The following LPAR1 variants were observed in gnomAD, a reference collection of about 807,000 sequenced individuals.
LPAR1 encodes LPA receptor 1.
LPAR1 carries 5 observed loss-of-function variants against 23.8 expected under a neutral mutation model. The ratio of observed to expected loss-of-function variants is 0.21; its 90% confidence interval spans 0.11 to 0.44. LPAR1 has a LOEUF of 0.44. LPAR1 is among the 20% of genes least tolerant of loss of function. The probability of loss-of-function intolerance (pLI) is 0.99; values close to 1 mark genes in which losing one functional copy is unlikely to be tolerated. For synonymous variants in LPAR1, 160 were observed against 164.7 expected, an observed-to-expected ratio of 0.97 and a Z score of 0.22; for missense variants, 311 against 482.8, an observed-to-expected ratio of 0.64 and a Z score of 3.33.
rs1465908876 is a variant in LPAR1, at chr9:110,902,964, T to A, written c.794-27242A>T. Among the ~76,000 whole-genome samples the A allele has an allele frequency of 2.0e-5, 3 of 152,300 alleles. No homozygotes were observed. In the South Asian group the frequency reaches 6.2e-4, roughly 32 times the overall value. On this transcript the variant is annotated intron_variant, in intron 5 of 5. Transcript: ENST00000683809. ...AAGACCAAAATAGCACCACAAAGTC[T>A]CTGAAAATGCAATTGTCATTGGATG...
At chr9:110,908,036 T>A (rs2091673246) in intron 5 of LPAR1, among the ~76,000 whole-genome samples, 2 of 151,878 alleles carry the variant, frequency 1.3e-5, no homozygotes, top group Non-Finnish European at 2.9e-5. Context: ...AAGGCTCATA[T>A]CCATCCCAAA....
Position 110,941,383 on chromosome 9 carries a change from G to A in LPAR1, c.793+38C>T. 6.5e-7 allele frequency: 1 copy of A among 1,547,008 alleles called. No homozygotes were observed. Among genetic ancestry groups the A allele is most frequent in the Non-Finnish European group, 8.7e-7 (1 of 1,146,314 alleles). ...TAATGTGGTTTATGTTAGTCACTGA[G>A]AATCTATAAAGTAAGTTACAGTCAA... On this transcript the variant is annotated intron_variant, in intron 5 of 5. Coordinates refer to ENST00000683809, the MANE Select transcript of LPAR1 (RefSeq NM_001351411.2). This position sits in a 1 kb window ranked among gnomAD's most constrained non-coding sequence, Gnocchi z 6.1.
At chr9:110,963,623 C>T (rs1326663851) in intron 4 of LPAR1, among the ~76,000 whole-genome samples, 8 of 151,874 alleles carry the variant, frequency 5.3e-5, no homozygotes, top group African/African-American at 1.7e-4. Context: ...CAAACCTGCA[C>T]ATTGTGCACA....
intron 4 of LPAR1, among the ~76,000 whole-genome samples, chr9:110,966,996 C>T (rs1030294257): frequency 2.0e-5 from 3 of 152,146 alleles, no homozygotes; most frequent in Non-Finnish European, 4.4e-5. Context: ...TGGTTTCCTA[C>T]CCCATCCCCA....
At chr9:110,906,338 A>G (rs1476638018) in intron 5 of LPAR1, among the ~76,000 whole-genome samples, 1 of 152,138 alleles carries the variant, frequency 6.6e-6, no homozygotes, top group Admixed American at 6.6e-5. Flanking sequence ...CTACTTCTTA[A>G]TTTGTATAAT....
At chr9:111,011,557 G>A (rs1162564501) in intron 2 of LPAR1, among the ~76,000 whole-genome samples, 1 of 152,194 alleles carries the variant, frequency 6.6e-6, no homozygotes, top group East Asian at 1.9e-4. Context: ...CCTGGCCGAT[G>A]AAGATAGAGA....
At chr9:110,940,465 G>A (rs557529025) in intron 5 of LPAR1, among the ~76,000 whole-genome samples, 33 of 152,024 alleles carry the variant, frequency 2.2e-4, no homozygotes, top group Non-Finnish European at 3.1e-4. Context: ...GGAAAGAGGA[G>A]GTGATAAAAT....
At chr9:110,966,458 A>G (rs1467160370) in intron 4 of LPAR1, among the ~76,000 whole-genome samples, 5 of 151,250 alleles carry the variant, frequency 3.3e-5, no homozygotes, top group Non-Finnish European at 5.9e-5. Flanking sequence ...CAGCCTGGGC[A>G]ACAGAGTGAG....
At chr9:110,989,853 C>A (rs986983176) in intron 2 of LPAR1, among the ~76,000 whole-genome samples, 1 of 151,852 alleles carries the variant, frequency 6.6e-6, no homozygotes, top group Non-Finnish European at 1.5e-5. Context: ...CCTACATGAA[C>A]CATACTTTAA....
At chr9:110,915,575 A>G (rs1002247629) in intron 5 of LPAR1, among the ~76,000 whole-genome samples, 3 of 152,158 alleles carry the variant, frequency 2.0e-5, no homozygotes, top group Non-Finnish European at 2.9e-5. Context: ...ACAAAAAAGT[A>G]TCTGTAATTC....
chr9:110,971,306 T>A (rs1230345630), intron 4 of LPAR1, among the ~76,000 whole-genome samples: 5 of 152,122 alleles, frequency 3.3e-5, no homozygotes, highest in Admixed American at 6.5e-5. Flanking sequence ...ATAACCATCA[T>A]GTGAGGAATG....
At chr9:110,904,773 G>GT (rs2090634086) in intron 5 of LPAR1, among the ~76,000 whole-genome samples, 1 of 152,190 alleles carries the variant, frequency 6.6e-6, no homozygotes, top group Non-Finnish European at 1.5e-5. Context: ...ACCACACCCA[G>GT]TGATAATTCT....
At chr9:110,930,957 C>T (rs762057104) in intron 5 of LPAR1, among the ~76,000 whole-genome samples, 9 of 152,132 alleles carry the variant, frequency 5.9e-5, no homozygotes, top group Admixed American at 1.3e-4. Context: ...GTGCAAAATG[C>T]AGCCAGAAAG....
chr9:110,920,224 T>C (rs1468659077), intron 5 of LPAR1, among the ~76,000 whole-genome samples: 1 of 152,174 alleles, frequency 6.6e-6, no homozygotes, highest in Non-Finnish European at 1.5e-5. Context: ...GGTTTAGGCA[T>C]CTGAATATTT....
At chr9:110,935,663 G>C (rs554213408) in intron 5 of LPAR1, among the ~76,000 whole-genome samples, 7 of 152,296 alleles carry the variant, frequency 4.6e-5, no homozygotes, top group African/African-American at 1.7e-4. Context: ...GAGCCTTGGA[G>C]GAGGGTGACC....
At chr9:110,962,295 A>G (rs2096025559) in intron 4 of LPAR1, among the ~76,000 whole-genome samples, 1 of 152,102 alleles carries the variant, frequency 6.6e-6, no homozygotes, top group African/African-American at 2.4e-5. Flanking sequence ...TTGAGCTGGG[A>G]TGCTTCCTGG....
At chr9:111,021,467 T>G (rs1448357436) in intron 2 of LPAR1, among the ~76,000 whole-genome samples, 2 of 152,212 alleles carry the variant, frequency 1.3e-5, no homozygotes, top group Non-Finnish European at 2.9e-5. Flanking sequence ...CTTTAAAATC[T>G]TTTTAAAATA....
intron 5 of LPAR1, among the ~76,000 whole-genome samples, chr9:110,878,969 T>C (rs552053266): frequency 1.3e-5 from 2 of 152,146 alleles, no homozygotes; most frequent in Admixed American, 6.5e-5. Flanking sequence ...GAGGTTCTCA[T>C]GGGTCAATGC....
At chr9:110,928,208 T>A (rs1403434193) in intron 5 of LPAR1, among the ~76,000 whole-genome samples, 4 of 152,168 alleles carry the variant, frequency 2.6e-5, no homozygotes, top group Admixed American at 1.3e-4. Flanking sequence ...GAGCAATACA[T>A]AGAAATGAAT....
Sources: allele counts gnomAD v4.1 joint callset (sites outside exome capture counted in the v4.1 genomes callset), GRCh38; gene constraint gnomAD v4.1.1; non-coding constraint Gnocchi (gnomAD v3.1); transcripts MANE v1.5; gene names NCBI Gene and HGNC (gene_info 2026-07-23, HGNC 2026-07-21).